Variants in ATXN7 observed in about 807,000 individuals in gnomAD.
ATXN7 encodes ataxin 7.
A neutral mutation model predicts 70.5 loss-of-function variants in ATXN7; 12 were observed. That is an observed-to-expected ratio of 0.17 (90% CI 0.11 to 0.28). The LOEUF (loss-of-function observed/expected upper bound fraction) is 0.28, where lower values mean the gene tolerates loss of function less well. ATXN7 is among the 10% of genes least tolerant of loss of function. The pLI, the probability that ATXN7 is intolerant of heterozygous loss-of-function variation, is 1.00. For synonymous variants in ATXN7, 498 were observed against 448.7 expected, an observed-to-expected ratio of 1.11 and a Z score of -1.39; for missense variants, 1,256 against 1,131.7, an observed-to-expected ratio of 1.11 and a Z score of -1.58.
chr3:63,872,639 C>T (rs1452043748), intron 1 of ATXN7, among the ~76,000 whole-genome samples: 3 of 152,300 alleles, frequency 2.0e-5, no homozygotes, highest in Non-Finnish European at 4.4e-5. Flanking sequence ...GACAAAGATA[C>T]CCCCTCTTGA....
intron 1 of ATXN7, among the ~76,000 whole-genome samples, chr3:63,886,899 C>T (rs1703101555): frequency 6.6e-6 from 1 of 152,190 alleles, no homozygotes; most frequent in Non-Finnish European, 1.5e-5. Context: ...TAAATGTCCT[C>T]CTGTGGAATT....
In ATXN7 at chr3:63,932,262, A is replaced by G. The variant is rs553773532; in HGVS notation, c.394+19037A>G. ...TGCATTCACTGCTGTGTTTTCTGCAATATTAATTACAGAAACATACAGTAT... is the reference window on the plus strand; with the variant it reads ...TGCATTCACTGCTGTGTTTTCTGCAGTATTAATTACAGAAACATACAGTAT... On this transcript the variant is annotated intron_variant, in intron 4 of 12. Coordinates refer to ENST00000674280, the MANE Select transcript of ATXN7 (RefSeq NM_001377405.1). 1.4e-4 allele frequency among the ~76,000 whole-genome samples: 21 copies of G among 152,318 alleles called. 1 individual carries two copies. Among genetic ancestry groups the G allele is most frequent in the Admixed American group, 2.6e-4 (4 of 15,296 alleles).
At chr3:63,967,670 C>A in intron 5 of ATXN7, 1 of 840,658 alleles carries the variant, frequency 1.2e-6, no homozygotes, top group Non-Finnish European at 1.6e-6. Context: ...GTTGCCTTTC[C>A]AATAGAAAGA....
At chr3:63,987,428 G>A (rs1213124963) in intron 8 of ATXN7, among the ~76,000 whole-genome samples, 2 of 152,054 alleles carry the variant, frequency 1.3e-5, no homozygotes, top group African/African-American at 4.8e-5. Flanking sequence ...GGATTACTTT[G>A]TCTCCCTTCC....
intron 4 of ATXN7, among the ~76,000 whole-genome samples, chr3:63,917,453 TAAAA>T (rs1704327304): frequency 1.3e-5 from 2 of 152,182 alleles, no homozygotes; most frequent in South Asian, 4.1e-4. Flanking sequence ...TAGAGACCCT[TAAAA>T]AATAAAAACT....
At chr3:63,888,504 C>T (rs1026507782) in intron 1 of ATXN7, among the ~76,000 whole-genome samples, 5 of 152,076 alleles carry the variant, frequency 3.3e-5, no homozygotes, top group South Asian at 2.1e-4. Flanking sequence ...CTTGGTCGGG[C>T]GCAGTGGCTC....
chr3:63,945,151 C>A (rs1327211430), intron 4 of ATXN7, among the ~76,000 whole-genome samples: 1 of 152,188 alleles, frequency 6.6e-6, no homozygotes, highest in Non-Finnish European at 1.5e-5. Flanking sequence ...GTACTAAGCG[C>A]TCTCCATGGA....
chr3:63,931,702 C>A (rs1005264779), intron 4 of ATXN7, among the ~76,000 whole-genome samples: 15 of 152,058 alleles, frequency 9.9e-5, no homozygotes, highest in African/African-American at 3.4e-4. Context: ...TTGTCTCCAC[C>A]CATACCCTCT....
At chr3:63,989,788 G>A (rs2075638463) in intron 9 of ATXN7, among the ~76,000 whole-genome samples, 1 of 152,098 alleles carries the variant, frequency 6.6e-6, no homozygotes, top group Non-Finnish European at 1.5e-5. Flanking sequence ...GGATACCGAG[G>A]GACAACTATG....
At position 63,952,393 on chromosome 3, in the gene ATXN7, G is replaced by T; in HGVS notation, c.409G>T (p.Gly137Cys). Residue 137 changes from glycine to cysteine, a missense_variant, in exon 5 of 13, where the codon GGT (glycine) becomes TGT (cysteine). Physicochemically the swap from Gly to Cys is radical, Grantham distance 159. Transcript: ENST00000674280. ...GLCREDMPIF[G>C]FCPAHDDFYL... is the part of the protein sequence containing the mutation. Reference sequence around the variant, plus strand: ...CTGTGTTGCAGACATGCCAATATTTGGTTTCTGTCCAGCCCATGATGATTT... The same window carrying T: ...CTGTGTTGCAGACATGCCAATATTTTGTTTCTGTCCAGCCCATGATGATTT... 1 of 1,609,228 alleles carries T rather than the reference G, an allele frequency of 6.2e-7. No homozygotes were observed. Among genetic ancestry groups the T allele is most frequent in the South Asian group, 1.1e-5 (1 of 90,274 alleles).
At chr3:63,872,501 C>T (rs1052140404) in intron 1 of ATXN7, among the ~76,000 whole-genome samples, 1 of 152,152 alleles carries the variant, frequency 6.6e-6, no homozygotes, top group Non-Finnish European at 1.5e-5. Context: ...CAGGTGGAGG[C>T]ACTTTGTTCC....
intron 1 of ATXN7, among the ~76,000 whole-genome samples, chr3:63,892,479 A>C (rs970725001): frequency 6.8e-6 from 1 of 147,404 alleles, no homozygotes; most frequent in African/African-American, 2.6e-5. Flanking sequence ...ACACACACAC[A>C]CACACACACA....
chr3:63,949,545 C>T (rs954306620), intron 4 of ATXN7, among the ~76,000 whole-genome samples: 13 of 152,062 alleles, frequency 8.5e-5, no homozygotes, highest in Non-Finnish European at 1.0e-4. Flanking sequence ...GTTACAGGCA[C>T]CTGCCACCAC....
chr3:63,967,861 A>T (rs1438809330), intron 5 of ATXN7: 1 of 1,534,250 alleles, frequency 6.5e-7, no homozygotes. Context: ...CCAAATCATG[A>T]TGCAAGCCTG....
chr3:63,867,896 TAACA>T (rs769365498), intron 1 of ATXN7, among the ~76,000 whole-genome samples: 142 of 152,014 alleles, frequency 9.3e-4, no homozygotes, highest in African/African-American at 3.3e-3. Flanking sequence ...AATAAATAAA[TAACA>T]AACAAATAAA....
intron 1 of ATXN7, among the ~76,000 whole-genome samples, chr3:63,892,565 CCTT>C (rs1036664927): frequency 5.3e-5 from 8 of 152,106 alleles, no homozygotes; most frequent in African/African-American, 1.9e-4. Context: ...TCTTATCCCT[CCTT>C]CTCCCTTCCT....
chr3:63,993,405 G>T (rs1314153325), intron 11 of ATXN7, among the ~76,000 whole-genome samples: 1 of 149,240 alleles, frequency 6.7e-6, no homozygotes. Context: ...AGCCGAGATC[G>T]CGCCACTGCA....
At chr3:63,996,725 A>C (rs559639156) in intron 12 of ATXN7, 7 of 530,866 alleles carry the variant, frequency 1.3e-5, no homozygotes, top group African/African-American at 5.7e-5. Flanking sequence ...TAAAGAAACT[A>C]CAGTAATGCA....
Position 63,979,940 on chromosome 3 carries a change from G to T in ATXN7, c.525G>T (p.Lys175Asn). The T allele has an allele frequency of 6.2e-7, 1 of 1,614,128 alleles. No homozygotes were observed. The highest frequency in any genetic ancestry group is 8.5e-7 in the Non-Finnish European group (1 of 1,180,010). ...HYERRHSSSSKPPLAVPPTSV... is the reference protein window; with the variant it reads ...HYERRHSSSSNPPLAVPPTSV... The stretch of plus-strand genomic sequence containing the variant: ...AAAGAAGACATAGCTCATCCAGCAA[G>T]CCGCCTTTGGCCGTTCCTCCCACTT... The change falls in exon 6 of 13, where the codon AAG (lysine) becomes AAT (asparagine). Residue 175 changes from lysine (K) to asparagine (N), a missense_variant. Physicochemically the swap from Lys to Asn is moderately conservative, Grantham distance 94. Coordinates refer to ENST00000674280, the MANE Select transcript of ATXN7 (RefSeq NM_001377405.1).
Sources: gnomAD v4.1 joint callset for allele counts (sites outside exome capture counted in the v4.1 genomes callset) on GRCh38, gnomAD v4.1.1 for gene constraint, MANE v1.5 for transcripts, NCBI Gene and HGNC (gene_info 2026-07-23, HGNC 2026-07-21) for gene names.